MLLT3: variants seen among roughly 807,000 people sequenced by gnomAD.
MLLT3 encodes MLLT3 super elongation complex subunit, also known as protein AF-9.
MLLT3 carries 4 observed loss-of-function variants against 53.2 expected under a neutral mutation model. The ratio of observed to expected loss-of-function variants is 0.08; its 90% CI spans 0.04 to 0.17. The LOEUF is 0.17. Among genes scored for constraint, MLLT3 ranks in the 10% least tolerant of loss-of-function variants. The pLI is 1.00. For missense variants in MLLT3, 569 were observed against 684.0 expected, an observed-to-expected ratio of 0.83 and a Z score of 1.87; for synonymous variants, 283 against 230.6, an observed-to-expected ratio of 1.23 and a Z score of -2.06.
chr9:20,349,938 A>G (rs902878282), intron 10 of MLLT3, among the ~76,000 whole-genome samples: 7 of 152,248 alleles, frequency 4.6e-5, no homozygotes, highest in African/African-American at 1.7e-4. Context: ...CAGTGGCAGC[A>G]GCTGGGGAGT....
chr9:20,522,876 A>T (rs1325006028), intron 2 of MLLT3, among the ~76,000 whole-genome samples: 1 of 152,076 alleles, frequency 6.6e-6, no homozygotes, highest in Non-Finnish European at 1.5e-5. Context: ...TAGGAGAATC[A>T]TCTGAGCTAA....
At position 20,622,331 on chromosome 9, in the gene MLLT3, A is replaced by T; in HGVS notation, c.-75T>A. The T allele has an allele frequency of 7.5e-7, 1 of 1,340,706 alleles. No individual in the cohort carries two copies. 83.1% of individuals were successfully genotyped at this position (1,340,706 alleles called of 1,614,324 possible). On this transcript the variant is annotated 5_prime_UTR_variant, in exon 1 of 11. The change abolishes an upstream ATG in the 5' untranslated region. Transcript: ENST00000380338. ...CTCCGCCCCCCCTCAGCTGTAATTC[A>T]TGAAGAGGCTGCTATGAATGAGAGC...
intron 2 of MLLT3, among the ~76,000 whole-genome samples, chr9:20,473,728 A>C (rs1563775714): frequency 1.3e-5 from 2 of 152,152 alleles, no homozygotes; most frequent in Non-Finnish European, 2.9e-5. Context: ...ATTTAAAAAA[A>C]AGCAAAAGAC....
chr9:20,429,548 G>C (rs1823217730), intron 4 of MLLT3, among the ~76,000 whole-genome samples: 2 of 134,680 alleles, frequency 1.5e-5, no homozygotes, highest in Admixed American at 7.0e-5. Context: ...CAATTGTAGG[G>C]GGGAAAAAAA....
intron 5 of MLLT3, among the ~76,000 whole-genome samples, chr9:20,398,485 C>T (rs374417161): frequency 6.6e-6 from 1 of 152,094 alleles, no homozygotes; most frequent in Admixed American, 6.6e-5. Context: ...GACAATTATG[C>T]AACCTGAGGA....
At chr9:20,455,162 G>A (rs533607278) in intron 3 of MLLT3, among the ~76,000 whole-genome samples, 2 of 152,150 alleles carry the variant, frequency 1.3e-5, no homozygotes, top group Non-Finnish European at 2.9e-5. Context: ...AATACATCTC[G>A]ACAAATTTGA....
At chr9:20,449,439 T>C (rs1184738387) in intron 3 of MLLT3, among the ~76,000 whole-genome samples, 1 of 152,144 alleles carries the variant, frequency 6.6e-6, no homozygotes, top group Non-Finnish European at 1.5e-5. Context: ...GACTGAACAT[T>C]TATCCCTCTC....
At chr9:20,447,702 T>C (rs939511643) in intron 4 of MLLT3, among the ~76,000 whole-genome samples, 2 of 152,130 alleles carry the variant, frequency 1.3e-5, no homozygotes, top group African/African-American at 4.8e-5. Context: ...GAAGATACCT[T>C]TTTTAATAAT....
chr9:20,390,987 T>A (rs2118720530), intron 5 of MLLT3, among the ~76,000 whole-genome samples: 2 of 152,314 alleles, frequency 1.3e-5, no homozygotes, highest in Middle Eastern at 3.4e-3. Flanking sequence ...TGGGGTGTGA[T>A]TTACATGCTT....
chr9:20,409,632 G>A (rs1250247244), intron 5 of MLLT3, among the ~76,000 whole-genome samples: 2 of 152,146 alleles, frequency 1.3e-5, no homozygotes, highest in African/African-American at 4.8e-5. Context: ...GTTCTTGAAT[G>A]TAAAATATTC....
rs540568134 is a variant in MLLT3, at chr9:20,608,707, A to G, written c.193+11947T>C. Among the ~76,000 whole-genome samples the G allele has an allele frequency of 4.6e-5, 7 of 152,112 alleles. No individual in the cohort carries two copies. The East Asian group carries it at 1.3e-3, about 29-fold the overall frequency. ...ATGTTTCTTGGGAAAGACAGTCTTA[A>G]TCATGTTCCAAATTACTTGTAGAAA... On this transcript the variant is annotated intron_variant, in intron 2 of 10. Transcript: ENST00000380338.
intron 2 of MLLT3, among the ~76,000 whole-genome samples, chr9:20,546,737 C>T (rs1818798309): frequency 1.3e-5 from 2 of 152,204 alleles, no homozygotes; most frequent in South Asian, 4.1e-4. Context: ...TGAGGAACAT[C>T]CAAGTCTTTA....
chr9:20,615,023 G>A (rs944852267), intron 2 of MLLT3, among the ~76,000 whole-genome samples: 6 of 152,090 alleles, frequency 3.9e-5, no homozygotes, highest in Non-Finnish European at 8.8e-5. Context: ...AAAGACTTCT[G>A]CATAATTCAG....
At chr9:20,357,799 C>A (rs1422467221) in intron 8 of MLLT3, among the ~76,000 whole-genome samples, 1 of 152,148 alleles carries the variant, frequency 6.6e-6, no homozygotes, top group Non-Finnish European at 1.5e-5. Flanking sequence ...ACTCAGAGAT[C>A]ATTATCAATT....
intron 2 of MLLT3, among the ~76,000 whole-genome samples, chr9:20,569,913 T>C (rs1563822778): frequency 1.3e-5 from 2 of 152,122 alleles, no homozygotes. Flanking sequence ...ACATCCTTTC[T>C]CCTCCAATAA....
intron 5 of MLLT3, among the ~76,000 whole-genome samples, chr9:20,371,535 C>T (rs558004044): frequency 6.6e-5 from 10 of 152,296 alleles, no homozygotes; most frequent in South Asian, 4.1e-4. Context: ...ACTTTGCCTG[C>T]GCTATAGGAA....
intron 5 of MLLT3, among the ~76,000 whole-genome samples, chr9:20,386,477 C>G (rs936160258): frequency 6.6e-6 from 1 of 152,202 alleles, no homozygotes; most frequent in Non-Finnish European, 1.5e-5. Context: ...GAAAGACCAA[C>G]AAGGAGTTGA....
intron 5 of MLLT3, among the ~76,000 whole-genome samples, chr9:20,408,940 G>A (rs933911477): frequency 3.3e-5 from 5 of 151,860 alleles, no homozygotes; most frequent in Non-Finnish European, 5.9e-5. Flanking sequence ...ATCCTGCATC[G>A]GAATCACCAT....
At chr9:20,414,902 G>A (rs575866036) in intron 4 of MLLT3, among the ~76,000 whole-genome samples, 3 of 152,256 alleles carry the variant, frequency 2.0e-5, no homozygotes, top group Non-Finnish European at 4.4e-5. Context: ...GGATAAACAG[G>A]TAGTTACTAG....
Sources: allele counts gnomAD v4.1 joint callset (sites outside exome capture counted in the v4.1 genomes callset), GRCh38; gene constraint gnomAD v4.1.1; transcripts MANE v1.5; gene names NCBI Gene and HGNC (gene_info 2026-07-23, HGNC 2026-07-21).